Variants in LARGE1 observed in about 807,000 individuals in gnomAD.
LARGE1 encodes the protein LARGE xylosyl- and glucuronyltransferase 1, also known as xylosyl- and glucuronyltransferase LARGE1.
A neutral mutation model predicts 87.6 loss-of-function variants in LARGE1; 43 were observed. The ratio of observed to expected loss-of-function variants is 0.49; its 90% CI spans 0.38 to 0.63. The LOEUF (loss-of-function observed/expected upper bound fraction) is 0.63. LARGE1 is among the 30% of genes least tolerant of loss of function. The pLI is 0.00. For missense variants in LARGE1, 802 were observed against 1,000.2 expected (o/e 0.80, Z 2.67); for synonymous variants, 434 against 394.6 (o/e 1.10, Z -1.18).
rs373205336 is a variant in LARGE1 at position 33,604,578 on chromosome 22, G to A, written c.492-20C>T. On this transcript the variant is annotated intron_variant, in intron 4 of 14. Coordinates refer to ENST00000397394, the MANE Select transcript of LARGE1 (RefSeq NM_133642.5). ...TTCCGTCTGTGGGGAGTGTGAGAAG[G>A]AAGGGTCAGGTGGAGAGGTACGGCT... 1.2e-5 allele frequency: 19 copies of A among 1,613,898 alleles called. No individual in the cohort carries two copies. The highest frequency in any genetic ancestry group is 1.4e-5 in the Non-Finnish European group (17 of 1,179,938).
At chr22:33,566,952 TC>T (rs2148796987) in intron 5 of LARGE1, among the ~76,000 whole-genome samples, 1 of 152,230 alleles carries the variant, frequency 6.6e-6, no homozygotes, top group East Asian at 1.9e-4. Context: ...AAAAAAAGCA[TC>T]CCCAACTCTG....
intron 6 of LARGE1, among the ~76,000 whole-genome samples, chr22:33,547,523 T>C (rs1158429079): frequency 6.6e-6 from 1 of 151,996 alleles, no homozygotes; most frequent in African/African-American, 2.4e-5. Context: ...AAGCACGTTC[T>C]CATGGCTCAC....
At chr22:33,493,616 C>G (rs2069962126) in intron 6 of LARGE1, among the ~76,000 whole-genome samples, 1 of 152,122 alleles carries the variant, frequency 6.6e-6, no homozygotes, top group South Asian at 2.1e-4. Flanking sequence ...CACCCACCCC[C>G]ACAACAGCAG....
chr22:33,700,015 T>G (rs1333240915), intron 2 of LARGE1, among the ~76,000 whole-genome samples: 1 of 152,334 alleles, frequency 6.6e-6, no homozygotes, highest in African/African-American at 2.4e-5. Flanking sequence ...CTGACTTACA[T>G]TGCAGGTTCT....
chr22:33,630,049 A>C (rs1263374981), intron 3 of LARGE1, among the ~76,000 whole-genome samples: 1 of 152,158 alleles, frequency 6.6e-6, no homozygotes, highest in Non-Finnish European at 1.5e-5. Context: ...AATACAAAAA[A>C]TTAGCCAGGT....
At chr22:33,324,305 C>CA (rs1210522799) in intron 10 of LARGE1, among the ~76,000 whole-genome samples, 1,191 of 117,432 alleles carry the variant, frequency 0.01, 40 homozygotes, top group African/African-American at 0.041. Flanking sequence ...ACCCCCCCCC[C>CA]AAAACAAACA....
chr22:33,096,186 C>T, the LARGE1 span, among the ~76,000 whole-genome samples: 2 of 152,022 alleles, frequency 1.3e-5, no homozygotes, highest in East Asian at 1.9e-4. Flanking sequence ...GAGGCCGAGG[C>T]GGGTGGATCA....
intron 10 of LARGE1, among the ~76,000 whole-genome samples, chr22:33,317,197 G>C (rs1407702520): frequency 6.6e-6 from 1 of 152,172 alleles, no homozygotes; most frequent in Non-Finnish European, 1.5e-5. Context: ...CTGGGTGACA[G>C]AGTGAGACTC....
chr22:33,216,354 C>T lies in LARGE1; in HGVS notation c.1731-49522G>A, dbSNP rs571304059. Among the ~76,000 whole-genome samples, 24 of 152,064 alleles carry T rather than the reference C, an allele frequency of 1.6e-4. No individual in the cohort carries two copies. The South Asian group carries it at 1.9e-3, about 12-fold the overall frequency. ...ATTAAAAAGGGCTTGGGGGGCTGGG[C>T]GTGGTGGCTCACGCCTGTAATCCCA... On this transcript the variant is annotated intron_variant, in intron 11 of 11. Coordinates refer to the LARGE1 transcript ENST00000608642.
intron 10 of LARGE1, among the ~76,000 whole-genome samples, chr22:33,328,374 G>A (rs942889003): frequency 2.6e-5 from 4 of 152,074 alleles, no homozygotes; most frequent in African/African-American, 9.7e-5. Context: ...GAGGTCAGGA[G>A]TTCAAGACCA....
At chr22:33,217,857 A>T (rs1313566160) in intron 11 of LARGE1, among the ~76,000 whole-genome samples, 1 of 151,898 alleles carries the variant, frequency 6.6e-6, no homozygotes, top group Non-Finnish European at 1.5e-5. Context: ...GCCTCAAGTG[A>T]TCCTCCCCTA....
intron 4 of LARGE1, among the ~76,000 whole-genome samples, chr22:33,612,927 C>G (rs1406415683): frequency 6.6e-6 from 1 of 152,222 alleles, no homozygotes; most frequent in African/African-American, 2.4e-5. Context: ...CTCCTTCAAT[C>G]TTCTTCTGCC....
At chr22:33,851,699 C>A (rs1489701457) in intron 1 of LARGE1, among the ~76,000 whole-genome samples, 1 of 152,186 alleles carries the variant, frequency 6.6e-6, no homozygotes, top group Non-Finnish European at 1.5e-5. Flanking sequence ...TCAGGAGGAG[C>A]TCATTATACA....
At chr22:33,692,218 A>G (rs1041847657) in intron 2 of LARGE1, among the ~76,000 whole-genome samples, 1 of 152,228 alleles carries the variant, frequency 6.6e-6, no homozygotes, top group African/African-American at 2.4e-5. Flanking sequence ...TGCTTAAAAC[A>G]CTGCTTCCTG....
chr22:33,196,117 C>T (rs1209370572), intron 11 of LARGE1, among the ~76,000 whole-genome samples: 1 of 144,508 alleles, frequency 6.9e-6, no homozygotes, highest in Non-Finnish European at 1.5e-5. Flanking sequence ...CAGAGTAAAC[C>T]CAAAGTAAAT....
At chr22:33,743,630 C>A (rs2083971553) in intron 2 of LARGE1, among the ~76,000 whole-genome samples, 4 of 152,166 alleles carry the variant, frequency 2.6e-5, no homozygotes, top group African/African-American at 9.7e-5. Context: ...AATTCCTGTC[C>A]ACCATAGATC....
rs543919812 is a variant in LARGE1 at position 33,582,464 on chromosome 22, C to T, written c.616-17445G>A. On this transcript the variant is annotated intron_variant, in intron 5 of 14. Transcript: ENST00000397394. ...CCTTAAAGAAAGAAAAGTGACAACT[C>T]TTTAACCACTACATATAAGAGAATT... Among the ~76,000 whole-genome samples the T allele has an allele frequency of 7.8e-4, 119 of 151,888 alleles. 2 individuals carry two copies. Among genetic ancestry groups the T allele is most frequent in the Admixed American group, 2.8e-3 (42 of 15,270 alleles).
intron 12 of LARGE1, among the ~76,000 whole-genome samples, chr22:33,297,602 T>TC (rs1291323328): frequency 6.8e-5 from 7 of 102,394 alleles, no homozygotes; most frequent in Non-Finnish European, 1.3e-4. Context: ...GGCATAAGAC[T>TC]CCGTCTCAAA....
chr22:33,722,370 G>A (rs1431355319), intron 2 of LARGE1, among the ~76,000 whole-genome samples: 2 of 149,536 alleles, frequency 1.3e-5, no homozygotes, highest in African/African-American at 4.9e-5. Flanking sequence ...AGAGAAGAAA[G>A]GAAAGGAAGG....
Sources: allele counts gnomAD v4.1 joint callset (sites outside exome capture counted in the v4.1 genomes callset), GRCh38; gene constraint gnomAD v4.1.1; transcripts MANE v1.5; gene names NCBI Gene and HGNC (gene_info 2026-07-23, HGNC 2026-07-21).